Variants in RAD54L observed in about 807,000 individuals in gnomAD.
The protein encoded by RAD54L is RAD54 like.
A neutral mutation model predicts 91.6 loss-of-function variants in RAD54L; 74 were observed. The observed-to-expected ratio is 0.81, with a 90% CI of 0.67 to 0.98. The LOEUF is 0.98. Ranked by LOEUF, RAD54L falls within the 50% of genes least tolerant of loss-of-function variation. The pLI, the probability that RAD54L is intolerant of heterozygous loss-of-function variation, is 0.00. For synonymous variants in RAD54L, 304 were observed against 349.7 expected (o/e 0.87, Z 1.46); for missense variants, 887 against 945.7 (o/e 0.94, Z 0.81).
At chr1:46,254,987 G>A (rs1007970572) in intron 3 of RAD54L, among the ~76,000 whole-genome samples, 2 of 152,156 alleles carry the variant, frequency 1.3e-5, no homozygotes, top group Non-Finnish European at 1.5e-5. Flanking sequence ...GGAGAGTAGT[G>A]TCATGGAAAT....
At position 46,274,742 on chromosome 1, in the gene RAD54L, G is replaced by A. The variant is rs765655688; in HGVS notation, c.1869+25G>A. 1.9e-6 allele frequency: 3 copies of A among 1,613,666 alleles called. No individual in the cohort carries two copies. In the South Asian group the frequency reaches 3.3e-5, roughly 18 times the overall value. On this transcript the variant is annotated intron_variant, in intron 16 of 17. Transcript: ENST00000371975. ...TGTAAGGATGGTGATAGTAGTCATA[G>A]TAGGGGTGGGTCATGGAACGAGATC...
intron 12 of RAD54L, among the ~76,000 whole-genome samples, chr1:46,273,077 A>G (rs1660482561): frequency 6.6e-6 from 1 of 152,208 alleles, no homozygotes; most frequent in Non-Finnish European, 1.5e-5. Context: ...ACACACGCTC[A>G]TATACAATGT....
chr1:46,271,453 C>A lies in RAD54L; in HGVS notation c.1169+668C>A, dbSNP rs543419195. On this transcript the variant is annotated intron_variant, in intron 10 of 17. Coordinates refer to ENST00000371975, the MANE Select transcript of RAD54L (RefSeq NM_003579.4). ...AGTGGATCACTTGAGGTAAGGAGTTCGAGACCAGCCTGGCCAACATGGGGA... is the reference window on the plus strand; with the variant it reads ...AGTGGATCACTTGAGGTAAGGAGTTAGAGACCAGCCTGGCCAACATGGGGA... Among the ~76,000 whole-genome samples, 28 of 152,232 alleles carry A rather than the reference C, an allele frequency of 1.8e-4. 1 individual carries two copies. In the South Asian group the frequency reaches 5.6e-3, roughly 30 times the overall value.
intron 7 of RAD54L, 69 bp from the exon 8 acceptor site, chr1:46,261,192 A>ATTGTTTTTT (rs1327250105): frequency 6.3e-7 from 1 of 1,585,746 alleles, no homozygotes; most frequent in South Asian, 1.1e-5. Flanking sequence ...GAACTGTCTA[A>ATTGTTTTTT]TTGTTTTTTT....
In RAD54L at chr1:46,260,631, A is replaced by G. The variant is rs2148287888; in HGVS notation, c.477+20A>G. ...AGAGAGGTAAATGAGGGTGAGGGGA[A>G]CGAGGTATGGGCTATGGGCTGAGCC... On this transcript the variant is annotated intron_variant, in intron 6 of 17. Coordinates refer to ENST00000371975, the MANE Select transcript of RAD54L (RefSeq NM_003579.4). 6.2e-7 allele frequency: 1 copy of G among 1,613,876 alleles called. No homozygotes were observed. Among genetic ancestry groups the G allele is most frequent in the East Asian group, 2.2e-5 (1 of 44,880 alleles).
intron 8 of RAD54L, among the ~76,000 whole-genome samples, chr1:46,266,023 G>C (rs1485352122): frequency 6.6e-6 from 1 of 152,200 alleles, no homozygotes; most frequent in Non-Finnish European, 1.5e-5. Flanking sequence ...CAGCCATTAC[G>C]TATATAGTGC....
rs1275606756 is a variant in RAD54L at position 46,277,885 on chromosome 1, G to T, written c.1938G>T (p.Val646=). 5 of 1,613,922 alleles carry T rather than the reference G, an allele frequency of 3.1e-6. No individual in the cohort carries two copies. In the Admixed American group the frequency reaches 5.0e-5, roughly 16 times the overall value. The change falls in exon 17 of 18, where the codon GTG becomes GTT. Residue 646 remains valine, a synonymous_variant. Transcript: ENST00000371975. ...SHKKALSSCV[V]DEEQDVERHF... The stretch of plus-strand genomic sequence containing the variant: ...AGAAGGCACTGAGCAGCTGTGTGGT[G>T]GATGAGGAGCAGGATGTAGAGCGCC...
intron 8 of RAD54L, among the ~76,000 whole-genome samples, chr1:46,264,152 C>T (rs1276877968): frequency 6.6e-6 from 1 of 152,224 alleles, no homozygotes; most frequent in African/African-American, 2.4e-5. Flanking sequence ...TATGAGCTGA[C>T]TCTGTGCAGG....
chr1:46,252,443 T>C (rs994102518), intron 3 of RAD54L, among the ~76,000 whole-genome samples: 39 of 152,098 alleles, frequency 2.6e-4, no homozygotes, highest in African/African-American at 9.2e-4. Context: ...GAGAGGATTA[T>C]GGCCTGGACA....
rs563671041 is a variant in RAD54L, at chr1:46,248,305, G to A, written c.-101G>A. The A allele has an allele frequency of 3.0e-5, 43 of 1,420,886 alleles. 2 individuals are homozygous for A. The South Asian group carries it at 4.7e-4, about 16-fold the overall frequency. 88.0% of individuals were successfully genotyped at this position (1,420,886 alleles called of 1,614,324 possible). On this transcript the variant is annotated 5_prime_UTR_variant, in exon 1 of 18. Transcript: ENST00000371975. ...AGCCGGTCCTCTCAATAATGTAGCA[G>A]CCCCCTCTACAGATTAGACCCTGGT...
rs1659693569 is a variant in RAD54L at position 46,248,030 on chromosome 1, C to G, written c.-376C>G. The G allele has an allele frequency of 3.6e-6, 1 of 276,022 alleles. No individual in the cohort carries two copies. Among genetic ancestry groups the G allele is most frequent in the African/African-American group, 2.2e-5 (1 of 45,252 alleles). The allele number at this position is 276,022 out of a possible 1,614,324, so 17.1% of individuals were successfully genotyped here. A position where few individuals can be genotyped will look rare whatever the true frequency, so the allele number is the denominator to read the frequency against. Reference sequence around the variant, plus strand: ...TCTCCTGGCCAGTGATTACCCACCCCCAATCCCACCCCGCCCCGCCGCGCA... The same window carrying G: ...TCTCCTGGCCAGTGATTACCCACCCGCAATCCCACCCCGCCCCGCCGCGCA... On this transcript the variant is annotated 5_prime_UTR_variant, in exon 1 of 18. Coordinates refer to ENST00000371975, the MANE Select transcript of RAD54L (RefSeq NM_003579.4).
chr1:46,266,059 C>T (rs1254675323), intron 8 of RAD54L, among the ~76,000 whole-genome samples: 1 of 152,196 alleles, frequency 6.6e-6, no homozygotes, highest in Non-Finnish European at 1.5e-5. Flanking sequence ...TTGAGAGAGA[C>T]AAGCAGCCTG....
intron 9 of RAD54L, 127 bp from the exon 10 acceptor site, chr1:46,270,532 C>G (rs1326501122): frequency 8.0e-7 from 1 of 1,249,486 alleles, no homozygotes; most frequent in African/African-American, 1.5e-5. Flanking sequence ...CAGAAATTGG[C>G]CTATATTTTG....
intron 8 of RAD54L, among the ~76,000 whole-genome samples, chr1:46,264,044 C>T (rs28363223): frequency 1.2e-4 from 19 of 152,178 alleles, no homozygotes; most frequent in African/African-American, 4.6e-4. Flanking sequence ...TAATCTGCGG[C>T]CTTGGCCTCC....
At position 46,260,715 on chromosome 1, in the gene RAD54L, G is replaced by A. The variant is rs756132691; in HGVS notation, c.478-12G>A. 6.2e-7 allele frequency: 1 copy of A among 1,614,216 alleles called. No homozygotes were observed. The highest frequency in any genetic ancestry group is 1.1e-5 in the South Asian group (1 of 91,086). On this transcript the variant is annotated splice_polypyrimidine_tract_variant and intron_variant, in intron 6 of 17. Transcript: ENST00000371975. ...TAGGTGCCAAAGTGGACTGAAGGCTGTTATTCTCTAGGGAGTGAAATTCCT... is the reference window on the plus strand; with the variant it reads ...TAGGTGCCAAAGTGGACTGAAGGCTATTATTCTCTAGGGAGTGAAATTCCT...
At chr1:46,252,942 C>T (rs375431940) in intron 3 of RAD54L, among the ~76,000 whole-genome samples, 3 of 152,086 alleles carry the variant, frequency 2.0e-5, no homozygotes, top group African/African-American at 4.8e-5. Context: ...TGTGGTTGCA[C>T]GTGACTGTAG....
At chr1:46,250,268 G>T in intron 3 of RAD54L, 149 bp downstream of exon 3, 3 of 1,127,886 alleles carry the variant, frequency 2.7e-6, no homozygotes, top group Non-Finnish European at 4.0e-6. Flanking sequence ...ACAGCTGCTG[G>T]GGCCTGCTTA....
intron 9 of RAD54L, among the ~76,000 whole-genome samples, chr1:46,270,151 CG>C (rs1295252378): frequency 6.6e-6 from 1 of 151,872 alleles, no homozygotes; most frequent in Admixed American, 6.6e-5. Context: ...GGGCAGATCG[CG>C]AGATCAGGAG....
intron 9 of RAD54L, 72 bp downstream of exon 9, chr1:46,267,681 A>T: frequency 6.6e-7 from 1 of 1,522,074 alleles, no homozygotes; most frequent in Non-Finnish European, 9.1e-7. Context: ...ACTCCAGCTG[A>T]GGAGAGAAAG....
Sources: gnomAD v4.1 joint callset for allele counts (sites outside exome capture counted in the v4.1 genomes callset) on GRCh38, gnomAD v4.1.1 for gene constraint, MANE v1.5 for transcripts, NCBI Gene and HGNC (gene_info 2026-07-23, HGNC 2026-07-21) for gene names.